Variants in PRKN observed in about 807,000 individuals in gnomAD.
PRKN encodes E3 ubiquitin-protein ligase parkin.
Under a neutral mutation model 59.5 loss-of-function variants are expected in PRKN, and 56 were observed. The observed-to-expected ratio is 0.94, with a 90% CI of 0.76 to 1.18. The LOEUF is 1.18. PRKN is among the 50% of genes most tolerant of loss of function. PRKN has a pLI of 0.00. For synonymous variants in PRKN, 250 were observed against 222.1 expected (o/e 1.13, Z -1.12); for missense variants, 657 against 596.4 (o/e 1.10, Z -1.06).
At chr6:162,610,561 T>C (rs996520271) in intron 1 of PRKN, among the ~76,000 whole-genome samples, 2 of 152,152 alleles carry the variant, frequency 1.3e-5, no homozygotes, top group Non-Finnish European at 1.5e-5. Flanking sequence ...TGTGGTATAA[T>C]AGTAACCATA....
At chr6:161,746,763 A>C (rs1182366088) in intron 7 of PRKN, among the ~76,000 whole-genome samples, 13 of 147,658 alleles carry the variant, frequency 8.8e-5, no homozygotes, top group African/African-American at 3.2e-4. Flanking sequence ...ATATATCTAT[A>C]TAGATATATA....
At chr6:162,124,935 T>C (rs541247667) in intron 4 of PRKN, among the ~76,000 whole-genome samples, 4 of 152,184 alleles carry the variant, frequency 2.6e-5, no homozygotes, top group Admixed American at 6.6e-5. Flanking sequence ...CAGTCAAGTG[T>C]CAAAGAAGTC....
At chr6:162,577,712 C>A (rs776871271) in intron 1 of PRKN, among the ~76,000 whole-genome samples, 12 of 152,096 alleles carry the variant, frequency 7.9e-5, no homozygotes, top group Non-Finnish European at 1.6e-4. Context: ...AAGGATTACT[C>A]GAGACCAGGG....
At position 161,410,716 on chromosome 6, in the gene PRKN, G is replaced by C. The variant is rs1425939069; in HGVS notation, c.1084-23839C>G. Among the ~76,000 whole-genome samples, 2 of 152,142 alleles carry C rather than the reference G, an allele frequency of 1.3e-5. No individual in the cohort carries two copies. The highest frequency in any genetic ancestry group is 2.9e-5 in the Non-Finnish European group (2 of 68,034). ...TGCAGGGAAGAGAATCGGGGTCACT[G>C]TGAGGGAGGGGCAACAGTGCCATGG... On this transcript the variant is annotated intron_variant, in intron 9 of 11. Transcript: ENST00000366898. The surrounding 1 kb of genome is among the most constrained non-coding windows in gnomAD (Gnocchi z 5.3).
At chr6:161,703,082 T>C (rs1302052055) in intron 7 of PRKN, among the ~76,000 whole-genome samples, 2 of 148,610 alleles carry the variant, frequency 1.3e-5, no homozygotes, top group East Asian at 2.0e-4. Flanking sequence ...AGCAGGAGGA[T>C]AGCTTGAGGA....
At chr6:161,520,225 C>CCTTT (rs76575980) in intron 9 of PRKN, among the ~76,000 whole-genome samples, 1 of 50,790 alleles carries the variant, frequency 2.0e-5, no homozygotes, top group Non-Finnish European at 4.1e-5. Flanking sequence ...TCTCTCTATG[C>CCTTT]ATTTTTTTTT....
chr6:162,511,845 C>A (rs1276433275), intron 1 of PRKN, among the ~76,000 whole-genome samples: 2 of 152,094 alleles, frequency 1.3e-5, no homozygotes, highest in Non-Finnish European at 2.9e-5. Flanking sequence ...TTGAAAACTG[C>A]ACTTCACATA....
At chr6:162,154,803 T>C (rs1162217794) in intron 4 of PRKN, among the ~76,000 whole-genome samples, 1 of 152,226 alleles carries the variant, frequency 6.6e-6, no homozygotes, top group East Asian at 1.9e-4. Flanking sequence ...TCTTTCTTAA[T>C]AGGAAGCCAT....
chr6:161,367,281 G>T (rs896029730), intron 10 of PRKN, among the ~76,000 whole-genome samples: 1 of 151,842 alleles, frequency 6.6e-6, no homozygotes, highest in Non-Finnish European at 1.5e-5. Context: ...GCGCCCGGCC[G>T]TGTCTGAAGT....
chr6:162,023,123 C>G lies in PRKN; in HGVS notation c.618+30968G>C, dbSNP rs1783274383. ...CTTCAGAGCCCTGCTGCTCCAACCT[C>G]TAGGTGAACATACAGACGGGCAGGC... On this transcript the variant is annotated intron_variant, in intron 5 of 11. Transcript: ENST00000366898. 2.0e-5 allele frequency among the ~76,000 whole-genome samples: 3 copies of G among 151,952 alleles called. No homozygotes were observed. In the South Asian group the frequency reaches 6.2e-4, roughly 32 times the overall value.
intron 2 of PRKN, among the ~76,000 whole-genome samples, chr6:162,297,514 T>G (rs915913361): frequency 6.6e-6 from 1 of 152,094 alleles, no homozygotes; most frequent in Non-Finnish European, 1.5e-5. Flanking sequence ...AGATGTGACA[T>G]GAATGGACAG....
At chr6:162,467,189 CCTTT>C (rs1183570089) in intron 1 of PRKN, among the ~76,000 whole-genome samples, 1 of 152,164 alleles carries the variant, frequency 6.6e-6, no homozygotes, top group Non-Finnish European at 1.5e-5. Context: ...TTCCCTTCTT[CCTTT>C]TTCTCCACAG....
At position 161,590,535 on chromosome 6, in the gene PRKN, C is replaced by T. The variant is rs561346267; in HGVS notation, c.872-21119G>A. Among the ~76,000 whole-genome samples the T allele has an allele frequency of 2.0e-5, 3 of 152,078 alleles. No homozygotes were observed. In the East Asian group the frequency reaches 5.8e-4, roughly 29 times the overall value. Reference sequence around the variant, plus strand: ...ATCAGTTGAGGTCAGGAGTTCATGACCAGTCTGGCCAACATAGTGAAACCC... The same window carrying T: ...ATCAGTTGAGGTCAGGAGTTCATGATCAGTCTGGCCAACATAGTGAAACCC... On this transcript the variant is annotated intron_variant, in intron 7 of 11. Coordinates refer to ENST00000366898, the MANE Select transcript of PRKN (RefSeq NM_004562.3).
intron 4 of PRKN, among the ~76,000 whole-genome samples, chr6:162,173,255 C>A (rs536560501): frequency 1.3e-5 from 2 of 150,328 alleles, no homozygotes; most frequent in African/African-American, 5.0e-5. Context: ...ACAGTCATTG[C>A]CCCCAGATTC....
At chr6:161,555,529 G>A (rs185243702) in intron 8 of PRKN, among the ~76,000 whole-genome samples, 1 of 152,200 alleles carries the variant, frequency 6.6e-6, no homozygotes, top group East Asian at 1.9e-4. Flanking sequence ...CAAAAATATG[G>A]GGGCTTCCTT....
At chr6:161,629,863 C>G (rs1215017914) in intron 7 of PRKN, among the ~76,000 whole-genome samples, 1 of 152,162 alleles carries the variant, frequency 6.6e-6, no homozygotes, top group Non-Finnish European at 1.5e-5. Flanking sequence ...TTTGCTAATG[C>G]TGATAAAAGC....
In PRKN at chr6:161,468,832, A is replaced by C. The variant is rs527331975; in HGVS notation, c.1083+80022T>G. The stretch of plus-strand genomic sequence containing the variant: ...CTTGTGGCCACAGTTGAAGGCCCTC[A>C]TGCTCACTGTCAGCCTATACACCTG... On this transcript the variant is annotated intron_variant, in intron 9 of 11. Coordinates refer to ENST00000366898, the MANE Select transcript of PRKN (RefSeq NM_004562.3). This position sits in a 1 kb window ranked among gnomAD's most constrained non-coding sequence, Gnocchi z 5.9. Among the ~76,000 whole-genome samples the C allele has an allele frequency of 6.6e-6, 1 of 152,290 alleles. No individual in the cohort carries two copies. Among genetic ancestry groups the C allele is most frequent in the East Asian group, 1.9e-4 (1 of 5,184 alleles).
intron 7 of PRKN, among the ~76,000 whole-genome samples, chr6:161,680,775 A>ATATATATATTT (rs1216235673): frequency 3.3e-5 from 1 of 30,620 alleles, no homozygotes; most frequent in African/African-American, 1.2e-4. Context: ...ATATATATAT[A>ATATATATATTT]TTTTTTTTTT....
intron 3 of PRKN, among the ~76,000 whole-genome samples, chr6:162,227,119 G>C (rs1334718961): frequency 6.6e-6 from 1 of 152,152 alleles, no homozygotes; most frequent in Non-Finnish European, 1.5e-5. Flanking sequence ...AACTATCCTA[G>C]TATACGTATG....
Sources: allele counts gnomAD v4.1 joint callset (sites outside exome capture counted in the v4.1 genomes callset), GRCh38; gene constraint gnomAD v4.1.1; non-coding constraint Gnocchi (gnomAD v3.1); transcripts MANE v1.5; gene names NCBI Gene and HGNC (gene_info 2026-07-23, HGNC 2026-07-21).